Variants in CFLAR observed in about 807,000 individuals in gnomAD.
The protein encoded by CFLAR is CASP8 and FADD-like apoptosis regulator.
In CFLAR, 14 loss-of-function variants were observed where a neutral mutation model predicts 51.1. The ratio of observed to expected loss-of-function variants is 0.27; its 90% CI spans 0.18 to 0.43. The LOEUF (loss-of-function observed/expected upper bound fraction) is 0.43. Among genes scored for constraint, CFLAR ranks in the 20% least tolerant of loss-of-function variants. The pLI is 1.00. For missense variants in CFLAR, 390 were observed against 566.5 expected, an observed-to-expected ratio of 0.69 and a Z score of 3.16; for synonymous variants, 210 against 211.6, an observed-to-expected ratio of 0.99 and a Z score of 0.06.
chr2:201,159,076 C>T (rs1030391012), intron 8 of CFLAR, among the ~76,000 whole-genome samples: 3 of 151,688 alleles, frequency 2.0e-5, no homozygotes, highest in African/African-American at 7.3e-5. Context: ...CGGGGTTTCA[C>T]CATATTGGCC....
At position 201,149,750 on chromosome 2, in the gene CFLAR, C is replaced by G; in HGVS notation, c.712-4C>G. ...TCTTTAGCATTTCTTGTCTTCCTTTCCAGAGCATACCTGAAGAGAGATACA... is the reference window on the plus strand; with the variant it reads ...TCTTTAGCATTTCTTGTCTTCCTTTGCAGAGCATACCTGAAGAGAGATACA... On this transcript the variant is annotated splice_polypyrimidine_tract_variant and splice_region_variant and intron_variant, in intron 7 of 9. Transcript: ENST00000309955. 6.2e-7 allele frequency: 1 copy of G among 1,609,918 alleles called. No individual in the cohort carries two copies. The highest frequency in any genetic ancestry group is 8.5e-7 in the Non-Finnish European group (1 of 1,176,386).
intron 9 of CFLAR, chr2:201,163,340 C>G (rs1359639158): frequency 1.7e-6 from 2 of 1,182,420 alleles, no homozygotes; most frequent in Non-Finnish European, 2.1e-6. Flanking sequence ...GATTAACTGG[C>G]CTTTTTCAGT....
rs779742957 is a variant in CFLAR, at chr2:201,174,421, G to C, written c.*10448G>C. On this transcript the variant is annotated 3_prime_UTR_variant, in exon 10 of 10. Transcript: ENST00000309955. ...TTATCACAAATCAACTAACTATAAG[G>C]GTTTATTTCTGGACTCAATTCTGTT... 3 of 152,108 alleles carry C rather than the reference G, an allele frequency of 2.0e-5. No individual in the cohort carries two copies. The highest frequency in any genetic ancestry group is 4.4e-5 in the Non-Finnish European group (3 of 68,034). The allele number at this position is 152,108 out of a possible 1,614,324, so 9.4% of individuals were successfully genotyped here.
intron 1 of CFLAR, among the ~76,000 whole-genome samples, chr2:201,120,858 G>T (rs2048130737): frequency 6.6e-6 from 1 of 152,158 alleles, no homozygotes; most frequent in Non-Finnish European, 1.5e-5. Context: ...TTGTTTAAAA[G>T]AGTAGGTACC....
chr2:201,139,606 G>GT (rs1937977895), intron 4 of CFLAR: 1 of 153,748 alleles, frequency 6.5e-6, no homozygotes, highest in African/African-American at 2.4e-5. Context: ...GGGACATGCG[G>GT]GCAGCACTAC....
intron 8 of CFLAR, chr2:201,153,282 A>G (rs570785168): frequency 6.6e-6 from 1 of 152,252 alleles, no homozygotes; most frequent in Non-Finnish European, 1.5e-5. Context: ...TATGGTTTTC[A>G]TCAGCTGAGA....
rs139567081 is a variant in CFLAR, at chr2:201,143,804, C to G, written c.607-1574C>G. Among the ~76,000 whole-genome samples, 1,106 of 151,916 alleles carry G rather than the reference C, an allele frequency of 7.3e-3. 19 individuals are homozygous for G. Among genetic ancestry groups the G allele is most frequent in the African/African-American group, 0.026 (1,069 of 41,454 alleles). On this transcript the variant is annotated intron_variant, in intron 5 of 9. Coordinates refer to ENST00000309955, the MANE Select transcript of CFLAR (RefSeq NM_003879.7). Reference sequence around the variant, plus strand: ...TGGTGAAACCCTGTCTCTACTAAAACTACAAAAATTAACCAGGCGCAGTGG... The same window carrying G: ...TGGTGAAACCCTGTCTCTACTAAAAGTACAAAAATTAACCAGGCGCAGTGG...
In CFLAR at chr2:201,169,111, C is replaced by T. The variant is rs1576020206; in HGVS notation, c.*5138C>T. On this transcript the variant is annotated 3_prime_UTR_variant, in exon 10 of 10. Transcript: ENST00000309955. The stretch of plus-strand genomic sequence containing the variant: ...TCTTCACAGAATTAGAAAAAAACTA[C>T]TTTAAAATTCAAATGGAACCAAAAA... 1 of 152,106 alleles carries T rather than the reference C, an allele frequency of 6.6e-6. No individual in the cohort carries two copies. The highest frequency in any genetic ancestry group is 2.1e-4 in the South Asian group (1 of 4,830). 9.4% of individuals were successfully genotyped at this position (152,106 alleles called of 1,614,324 possible).
At chr2:201,153,138 AT>A (rs1352391930) in intron 8 of CFLAR, 10 of 152,232 alleles carry the variant, frequency 6.6e-5, no homozygotes, top group Non-Finnish European at 1.5e-4. Context: ...AATCAGGGTG[AT>A]TTGACTCAAG....
In CFLAR at chr2:201,116,762, C is replaced by G. The variant is rs1226509324; in HGVS notation, c.-138+281C>G. ...TTGCGGAATGCCCCCGCTTCCGTTT[C>G]CGCCCGGCTCCGAACCCCCGAACCC... is the stretch of plus-strand genomic sequence containing the variant. On this transcript the variant is annotated intron_variant, in intron 1 of 9. Coordinates refer to ENST00000309955, the MANE Select transcript of CFLAR (RefSeq NM_003879.7). This position sits in a 1 kb window ranked among gnomAD's most constrained non-coding sequence, Gnocchi z 4.8. 6.6e-6 allele frequency: 1 copy of G among 152,418 alleles called. No homozygotes were observed. Among genetic ancestry groups the G allele is most frequent in the South Asian group, 2.1e-4 (1 of 4,832 alleles). 9.4% of individuals were successfully genotyped at this position (152,418 alleles called of 1,614,324 possible). A position where few individuals can be genotyped will look rare whatever the true frequency, so the allele number is the denominator to read the frequency against.
intron 5 of CFLAR, chr2:201,141,224 C>CT: frequency 9.4e-7 from 1 of 1,068,570 alleles, no homozygotes; most frequent in Non-Finnish European, 1.2e-6. Context: ...GAGCAAAACT[C>CT]TGTCTCAAAA....
intron 1 of CFLAR, among the ~76,000 whole-genome samples, chr2:201,126,364 C>T (rs1000929376): frequency 9.2e-5 from 14 of 152,096 alleles, no homozygotes; most frequent in African/African-American, 3.4e-4. Context: ...CTGAGAACTG[C>T]GGATATTGCT....
At chr2:201,161,617 G>A (rs1304826589) in intron 9 of CFLAR, among the ~76,000 whole-genome samples, 2 of 151,404 alleles carry the variant, frequency 1.3e-5, no homozygotes, top group Non-Finnish European at 2.9e-5. Flanking sequence ...GTTTCACCAT[G>A]TTGACCAGGC....
intron 1 of CFLAR, among the ~76,000 whole-genome samples, chr2:201,128,308 A>C (rs1481761223): frequency 2.0e-5 from 3 of 152,204 alleles, no homozygotes; most frequent in Non-Finnish European, 2.9e-5. Flanking sequence ...TGTCCAGAAC[A>C]CATAAAATTT....
intron 3 of CFLAR, among the ~76,000 whole-genome samples, chr2:201,135,104 A>G (rs1053364847): frequency 6.6e-6 from 1 of 152,216 alleles, no homozygotes; most frequent in Non-Finnish European, 1.5e-5. Flanking sequence ...GTTCATAATC[A>G]CTGTGGCCCA....
At chr2:201,144,038 A>T (rs569154684) in intron 5 of CFLAR, 5 of 152,352 alleles carry the variant, frequency 3.3e-5, no homozygotes, top group African/African-American at 1.2e-4. Flanking sequence ...TCTCTCTAAT[A>T]ATATGTAAAA....
At chr2:201,142,479 A>G (rs1939149437) in intron 5 of CFLAR, among the ~76,000 whole-genome samples, 1 of 152,156 alleles carries the variant, frequency 6.6e-6, no homozygotes, top group South Asian at 2.1e-4. Context: ...ACTTAGCCCT[A>G]AAGAACATTA....
intron 8 of CFLAR, among the ~76,000 whole-genome samples, chr2:201,157,114 T>G (rs984434086): frequency 2.6e-5 from 4 of 152,240 alleles, no homozygotes; most frequent in Admixed American, 2.6e-4. Flanking sequence ...AAACACAGTT[T>G]GCAAAGCATC....
At chr2:201,122,244 T>C (rs1376940186) in intron 1 of CFLAR, among the ~76,000 whole-genome samples, 5 of 152,236 alleles carry the variant, frequency 3.3e-5, no homozygotes, top group Admixed American at 3.3e-4. Flanking sequence ...GTCCTGCCAG[T>C]TTCCAGAAAA....
Sources: allele counts gnomAD v4.1 joint callset (sites outside exome capture counted in the v4.1 genomes callset), GRCh38; gene constraint gnomAD v4.1.1; non-coding constraint Gnocchi (gnomAD v3.1); transcripts MANE v1.5; gene names NCBI Gene and HGNC (gene_info 2026-07-23, HGNC 2026-07-21).